Variants in CACNA2D1 observed in about 807,000 individuals in gnomAD.
CACNA2D1 encodes the protein calcium voltage-gated channel auxiliary subunit alpha2delta 1.
Under a neutral mutation model 171.5 loss-of-function variants are expected in CACNA2D1, and 53 were observed. That is an observed-to-expected ratio of 0.31 (90% CI 0.25 to 0.39). CACNA2D1 has a LOEUF of 0.39. Ranked by LOEUF, CACNA2D1 falls within the 10% of genes least tolerant of loss-of-function variation. The pLI is 1.00. For synonymous variants in CACNA2D1, 442 were observed against 443.1 expected, an observed-to-expected ratio of 1.00 and a Z score of 0.03; for missense variants, 903 against 1,299.8, an observed-to-expected ratio of 0.69 and a Z score of 4.69.
At position 81,970,728 on chromosome 7, in the gene CACNA2D1, C is replaced by T. The variant is rs150414062; in HGVS notation, c.2151G>A (p.Val717=). ...CATCAGTCACAACAAATCGTGCTTT[C>T]ACTCCCTTGCTGAAACAGAAGACAA... ...YWSKQKNIKG[V]KARFVVTDGG... is the part of the protein sequence containing the mutation. The change falls in exon 27 of 39, where the codon GTG becomes GTA. Residue 717 remains valine (V), a synonymous_variant. Coordinates refer to ENST00000356860, the MANE Select transcript of CACNA2D1 (RefSeq NM_000722.4). The T allele has an allele frequency of 6.9e-6, 11 of 1,583,494 alleles. No homozygotes were observed. The highest frequency in any genetic ancestry group is 9.5e-6 in the Non-Finnish European group (11 of 1,152,890).
intron 1 of CACNA2D1, among the ~76,000 whole-genome samples, chr7:82,405,096 C>A (rs767607936): frequency 1.3e-5 from 2 of 152,072 alleles, no homozygotes; most frequent in Non-Finnish European, 2.9e-5. Flanking sequence ...TACTGATATT[C>A]TCTTTATCAT....
At chr7:82,108,916 G>A (rs191460554) in intron 6 of CACNA2D1, among the ~76,000 whole-genome samples, 3 of 152,166 alleles carry the variant, frequency 2.0e-5, no homozygotes, top group African/African-American at 4.8e-5. Context: ...CGCACCTAAT[G>A]AGAAACAATG....
At chr7:82,310,177 C>T (rs1466109529) in intron 3 of CACNA2D1, among the ~76,000 whole-genome samples, 4 of 151,648 alleles carry the variant, frequency 2.6e-5, no homozygotes, top group Non-Finnish European at 4.4e-5. Flanking sequence ...TGAAACAGTT[C>T]AAAATTACTT....
At chr7:82,249,101 G>A (rs1805312208) in intron 3 of CACNA2D1, among the ~76,000 whole-genome samples, 1 of 150,042 alleles carries the variant, frequency 6.7e-6, no homozygotes, top group Admixed American at 6.6e-5. Context: ...GGGTGACAGA[G>A]TGAGACTCCA....
At chr7:82,413,558 C>A (rs1329356280) in intron 1 of CACNA2D1, among the ~76,000 whole-genome samples, 1 of 152,180 alleles carries the variant, frequency 6.6e-6, no homozygotes, top group Non-Finnish European at 1.5e-5. Flanking sequence ...GGCAGAAAAA[C>A]ATTTGTTGAG....
At chr7:82,418,246 G>A (rs937472813) in intron 1 of CACNA2D1, among the ~76,000 whole-genome samples, 5 of 152,110 alleles carry the variant, frequency 3.3e-5, no homozygotes. Flanking sequence ...TAGGATGGGA[G>A]AAACCAGCCC....
At chr7:82,196,376 G>A (rs1339261694) in intron 3 of CACNA2D1, among the ~76,000 whole-genome samples, 4 of 152,014 alleles carry the variant, frequency 2.6e-5, no homozygotes, top group African/African-American at 9.7e-5. Flanking sequence ...ATTCTATGGG[G>A]GATGCTTGAA....
chr7:82,415,044 A>G (rs1313506623), intron 1 of CACNA2D1, among the ~76,000 whole-genome samples: 1 of 152,210 alleles, frequency 6.6e-6, no homozygotes, highest in Non-Finnish European at 1.5e-5. Flanking sequence ...TTAAAAGCCT[A>G]ACGTTTCTCT....
At chr7:82,178,020 A>C (rs1378944161) in intron 3 of CACNA2D1, among the ~76,000 whole-genome samples, 1 of 152,146 alleles carries the variant, frequency 6.6e-6, no homozygotes, top group African/African-American at 2.4e-5. Flanking sequence ...GATTATGGGA[A>C]ATAAAAATCT....
At chr7:82,203,789 T>C (rs899583900) in intron 3 of CACNA2D1, among the ~76,000 whole-genome samples, 1 of 152,246 alleles carries the variant, frequency 6.6e-6, no homozygotes, top group Non-Finnish European at 1.5e-5. Flanking sequence ...CTGCATATGC[T>C]GCCCTTCAGG....
chr7:82,039,369 G>A (rs1803675903), intron 10 of CACNA2D1, among the ~76,000 whole-genome samples: 1 of 152,078 alleles, frequency 6.6e-6, no homozygotes, highest in Non-Finnish European at 1.5e-5. Flanking sequence ...AATCATGGCA[G>A]GTAGTAGTTT....
chr7:82,186,604 T>G (rs868526510), intron 3 of CACNA2D1, among the ~76,000 whole-genome samples: 4 of 152,218 alleles, frequency 2.6e-5, no homozygotes, highest in African/African-American at 9.6e-5. Context: ...TGTATACAGA[T>G]AGTCTCAAAG....
At chr7:82,195,013 T>C (rs1356665298) in intron 3 of CACNA2D1, among the ~76,000 whole-genome samples, 5 of 152,044 alleles carry the variant, frequency 3.3e-5, no homozygotes, top group Non-Finnish European at 7.4e-5. Flanking sequence ...CAGAAAATGT[T>C]TCATGTGCAA....
chr7:82,080,285 C>A (rs1286464185), intron 7 of CACNA2D1, among the ~76,000 whole-genome samples: 1 of 151,856 alleles, frequency 6.6e-6, no homozygotes, highest in Non-Finnish European at 1.5e-5. Context: ...TCAGAAGGTT[C>A]TAGTTCCTGC....
At chr7:82,378,526 TG>T (rs1196953946) in intron 1 of CACNA2D1, among the ~76,000 whole-genome samples, 2 of 152,252 alleles carry the variant, frequency 1.3e-5, no homozygotes, top group South Asian at 2.1e-4. Flanking sequence ...ATTTTGTTAT[TG>T]TTTTTTAACG....
At position 81,971,835 on chromosome 7, in the gene CACNA2D1, G is replaced by C. The variant is rs774469998; in HGVS notation, c.2083C>G (p.Leu695Val). ...AGTTCATTTGTAAAGCCTGCATCAA[G>C]CAAGACTCTATTAATCAAATCCGCG... ...CNADLINRVL[L>V]DAGFTNELVQ... is the part of the protein sequence containing the mutation. The change falls in exon 26 of 39, where the codon CTT becomes GTT. Residue 695 changes from leucine to valine, a missense_variant. This residue lies in a region of CACNA2D1 where 623 missense variants were observed against 925.5 expected (regional missense o/e 0.67). Coordinates refer to ENST00000356860, the MANE Select transcript of CACNA2D1 (RefSeq NM_000722.4). 1 of 1,607,606 alleles carries C rather than the reference G, an allele frequency of 6.2e-7. No homozygotes were observed. Among genetic ancestry groups the C allele is most frequent in the Non-Finnish European group, 8.5e-7 (1 of 1,174,978 alleles).
Position 82,108,863 on chromosome 7 carries a change from G to C in CACNA2D1, c.526+8181C>G, listed in dbSNP as rs549564815. Among the ~76,000 whole-genome samples the C allele has an allele frequency of 5.9e-5, 9 of 152,154 alleles. No homozygotes were observed. The South Asian group carries it at 1.9e-3, about 32-fold the overall frequency. On this transcript the variant is annotated intron_variant, in intron 6 of 38. Coordinates refer to ENST00000356860, the MANE Select transcript of CACNA2D1 (RefSeq NM_000722.4). ...TTAAAATTTATATTCTCTAACTCAG[G>C]CTTGTCCTCAATGTCTTATGATGTT...
chr7:82,070,968 C>A (rs952760052), intron 7 of CACNA2D1, among the ~76,000 whole-genome samples: 2 of 151,882 alleles, frequency 1.3e-5, no homozygotes, highest in Non-Finnish European at 2.9e-5. Context: ...ATAAAACATA[C>A]CAGTATTAAG....
intron 3 of CACNA2D1, among the ~76,000 whole-genome samples, chr7:82,284,512 C>G (rs1189837570): frequency 1.3e-5 from 2 of 152,144 alleles, no homozygotes; most frequent in East Asian, 1.9e-4. Context: ...ATTTATTTCT[C>G]AGTTCTGAAG....
Sources: gnomAD v4.1 joint callset for allele counts (sites outside exome capture counted in the v4.1 genomes callset) on GRCh38, gnomAD v4.1.1 for gene constraint, gnomAD v4.1.1 regional missense constraint, MANE v1.5 for transcripts, NCBI Gene and HGNC (gene_info 2026-07-23, HGNC 2026-07-21) for gene names.